The following DHX37 variants were observed in gnomAD, a reference collection of about 807,000 sequenced individuals.
The protein encoded by DHX37 is probable ATP-dependent RNA helicase DHX37.
DHX37 carries 52 observed loss-of-function variants against 134.3 expected under a neutral mutation model. The ratio of observed to expected loss-of-function variants is 0.39; its 90% CI spans 0.31 to 0.49. The LOEUF is 0.49. Ranked by LOEUF, DHX37 falls within the 20% of genes least tolerant of loss-of-function variation. DHX37 has a pLI of 0.93. For synonymous variants in DHX37, 634 were observed against 670.7 expected, an observed-to-expected ratio of 0.95 and a Z score of 0.85; for missense variants, 1,344 against 1,580.8, an observed-to-expected ratio of 0.85 and a Z score of 2.54.
rs532248888 is a variant in DHX37, at chr12:124,954,992, G to A, written c.2454-781C>T. The stretch of plus-strand genomic sequence containing the variant: ...AGCTCAGAATGGCAGAGAGAGATTC[G>A]AACCATACCTGAGCTCTCAGTCACC... On this transcript the variant is annotated intron_variant, in intron 18 of 26. Coordinates refer to ENST00000308736, the MANE Select transcript of DHX37 (RefSeq NM_032656.4). Among the ~76,000 whole-genome samples the A allele has an allele frequency of 1.3e-3, 201 of 152,266 alleles. 4 individuals are homozygous for A. The highest frequency in any genetic ancestry group is 7.7e-4 in the East Asian group (4 of 5,180).
rs975592465 is a variant in DHX37, at chr12:124,949,729, A to G, written c.3290+257T>C. Reference sequence around the variant, plus strand: ...ACAGGGAGGGAGACTAAAGACACACAGAGAGATGGCCACGTGAAGATGGAG... The same window carrying G: ...ACAGGGAGGGAGACTAAAGACACACGGAGAGATGGCCACGTGAAGATGGAG... On this transcript the variant is annotated intron_variant, in intron 25 of 26. Coordinates refer to ENST00000308736, the MANE Select transcript of DHX37 (RefSeq NM_032656.4). This position sits in a 1 kb window ranked among gnomAD's most constrained non-coding sequence, Gnocchi z 4.0. Among the ~76,000 whole-genome samples, 3 of 152,170 alleles carry G rather than the reference A, an allele frequency of 2.0e-5. No individual in the cohort carries two copies. The highest frequency in any genetic ancestry group is 7.2e-5 in the African/African-American group (3 of 41,436).
At chr12:124,975,841 G>A (rs1326237178) in intron 5 of DHX37, among the ~76,000 whole-genome samples, 1 of 152,158 alleles carries the variant, frequency 6.6e-6, no homozygotes, top group African/African-American at 2.4e-5. Context: ...TGGGTGGCTG[G>A]TCCCAGCTCT....
chr12:124,987,103 C>A (rs1308029382), intron 1 of DHX37, among the ~76,000 whole-genome samples: 1 of 152,166 alleles, frequency 6.6e-6, no homozygotes, highest in Non-Finnish European at 1.5e-5. Context: ...CGCCTGCAAT[C>A]CCAGCACTTT....
intron 16 of DHX37, among the ~76,000 whole-genome samples, chr12:124,958,824 C>G (rs1476602413): frequency 6.6e-6 from 1 of 151,656 alleles, no homozygotes; most frequent in Non-Finnish European, 1.5e-5. Flanking sequence ...CGGAGTTTCA[C>G]CATATTGGCC....
chr12:124,977,342 C>T lies in DHX37; in HGVS notation c.887G>A (p.Ser296Asn). 1 of 1,549,718 alleles carries T rather than the reference C, an allele frequency of 6.5e-7. No individual in the cohort carries two copies. The highest frequency in any genetic ancestry group is 8.7e-7 in the Non-Finnish European group (1 of 1,150,464). ...AGAGAACCCTGTGTCCAGCCCCTAC[C>T]TGCTGAAGCCTGCTTCATAGAGAAA... ...PQFLYEAGFS[S>N]EDSIIGVTEP... Residue 296 changes from serine to asparagine, a missense_variant and splice_region_variant, in exon 5 of 27, where the codon AGT becomes AAT. This residue lies in a region of DHX37 where 77 missense variants were observed against 121.6 expected (regional missense o/e 0.63). Transcript: ENST00000308736.
intron 7 of DHX37, among the ~76,000 whole-genome samples, chr12:124,971,885 G>A (rs949277383): frequency 3.3e-5 from 5 of 152,244 alleles, no homozygotes; most frequent in Admixed American, 2.0e-4. Context: ...TAGGAAGCAT[G>A]GGGTGCTTCC....
rs747563572 is a variant in DHX37, at chr12:124,947,782, C to A, written c.*20G>T. The stretch of plus-strand genomic sequence containing the variant: ...CTCCAGTCCCCAAACCAGTCCTCGG[C>A]CCTGCAGCCAGGTTTCTGGTCAGTG... On this transcript the variant is annotated 3_prime_UTR_variant, in exon 27 of 27. Coordinates refer to ENST00000308736, the MANE Select transcript of DHX37 (RefSeq NM_032656.4). 11 of 1,546,238 alleles carry A rather than the reference C, an allele frequency of 7.1e-6. No individual in the cohort carries two copies. Among genetic ancestry groups the A allele is most frequent in the Non-Finnish European group, 9.6e-6 (11 of 1,145,586 alleles).
chr12:124,958,193 C>T lies in DHX37; in HGVS notation c.2158-1058G>A, dbSNP rs35105512. On this transcript the variant is annotated intron_variant, in intron 16 of 26. Coordinates refer to ENST00000308736, the MANE Select transcript of DHX37 (RefSeq NM_032656.4). ...GTGAACACACTGGAAACTACTGACC[C>T]ACACACTTTCAATGGGTGACTGTGT... 8.9e-3 allele frequency among the ~76,000 whole-genome samples: 1,354 copies of T among 152,332 alleles called. 15 individuals carry two copies. The highest frequency in any genetic ancestry group is 0.031 in the African/African-American group (1,292 of 41,574).
intron 12 of DHX37, among the ~76,000 whole-genome samples, chr12:124,966,232 C>T (rs1021881649): frequency 3.9e-5 from 6 of 152,168 alleles, no homozygotes; most frequent in African/African-American, 7.2e-5. Flanking sequence ...CCATGCCTGG[C>T]TAATTTTGTA....
chr12:124,948,257 G>T, intron 25 of DHX37, 76 bp from the exon 26 acceptor site: 2 of 1,535,756 alleles, frequency 1.3e-6, no homozygotes. Flanking sequence ...CGAAAGCAGG[G>T]CAGGCATCAC....
intron 8 of DHX37, among the ~76,000 whole-genome samples, chr12:124,970,116 G>T (rs1954483420): frequency 1.3e-5 from 2 of 152,316 alleles, no homozygotes; most frequent in South Asian, 4.1e-4. Context: ...GAGATTACAG[G>T]TGTGCGCCAC....
At chr12:124,950,931 C>T (rs923173365) in intron 21 of DHX37, 127 bp from the exon 22 acceptor site, 85 of 1,321,320 alleles carry the variant, frequency 6.4e-5, no homozygotes, top group Non-Finnish European at 7.6e-5. Flanking sequence ...CTCCATCTGC[C>T]GGGAAATGCG....
At chr12:124,974,448 C>G (rs1336764757) in intron 6 of DHX37, among the ~76,000 whole-genome samples, 2 of 151,432 alleles carry the variant, frequency 1.3e-5, no homozygotes, top group Admixed American at 1.3e-4. Flanking sequence ...CCTTAGCGTC[C>G]TCCGAGCCTA....
chr12:124,977,579 G>T, intron 4 of DHX37, 89 bp from the exon 5 acceptor site: 1 of 1,413,806 alleles, frequency 7.1e-7, no homozygotes, highest in South Asian at 1.5e-5. Context: ...ACACATGGGT[G>T]CTGAACAGAT....
At chr12:124,968,739 G>A in intron 9 of DHX37, 91 bp from the exon 10 acceptor site, 1 of 1,604,014 alleles carries the variant, frequency 6.2e-7, no homozygotes, top group Non-Finnish European at 8.5e-7. Context: ...CCGAATCAAG[G>A]TTTCTAACAC....
chr12:124,953,992 G>A lies in DHX37; in HGVS notation c.2583C>T (p.Ala861=), dbSNP rs1010225446. 1.1e-5 allele frequency: 18 copies of A among 1,613,504 alleles called. No individual in the cohort carries two copies. Among genetic ancestry groups the A allele is most frequent in the African/African-American group, 2.7e-5 (2 of 74,910 alleles). ...AGCTGGCATACTCACAGGCTCCCAC[G>A]GCGCCTGGGGAACGAAGAGGGGGCA... The part of the protein sequence containing the change: ...KLGDLMVLLG[A]VGACEYASCT... Residue 861 remains alanine (A), a synonymous_variant, in exon 20 of 27, where the codon GCC becomes GCT. Coordinates refer to ENST00000308736, the MANE Select transcript of DHX37 (RefSeq NM_032656.4).
intron 10 of DHX37, 142 bp downstream of exon 10, chr12:124,968,392 T>C (rs1015083363): frequency 7.2e-7 from 1 of 1,392,180 alleles, no homozygotes; most frequent in Non-Finnish European, 9.7e-7. Context: ...TCATGAACAC[T>C]CTGGAATAAG....
At chr12:124,974,612 TC>T (rs1432680395) in intron 6 of DHX37, among the ~76,000 whole-genome samples, 4 of 150,816 alleles carry the variant, frequency 2.7e-5, no homozygotes, top group Non-Finnish European at 4.4e-5. Context: ...AGGCAGGCTC[TC>T]ACTCTGTGCT....
chr12:124,979,233 T>A (rs552234926), intron 4 of DHX37, among the ~76,000 whole-genome samples: 2 of 152,086 alleles, frequency 1.3e-5, no homozygotes, highest in Non-Finnish European at 2.9e-5. Context: ...CCAAGCGTAG[T>A]AGCGTGTGCC....
Sources: allele counts gnomAD v4.1 joint callset (sites outside exome capture counted in the v4.1 genomes callset), GRCh38; gene constraint gnomAD v4.1.1; regional missense constraint gnomAD v4.1.1; non-coding constraint Gnocchi (gnomAD v3.1); transcripts MANE v1.5; gene names NCBI Gene and HGNC (gene_info 2026-07-23, HGNC 2026-07-21).